The following GRIN2B variants were observed in gnomAD, a reference collection of about 807,000 sequenced individuals.
GRIN2B encodes the protein glutamate ionotropic receptor NMDA type subunit 2B, also known as glutamate receptor ionotropic, NMDA 2B.
In GRIN2B, 5 loss-of-function variants were observed where a neutral mutation model predicts 114.5. That is an observed-to-expected ratio of 0.04 (90% CI 0.02 to 0.09). GRIN2B has a LOEUF of 0.09. Ranked by LOEUF, GRIN2B falls within the 10% of genes least tolerant of loss-of-function variation. The probability of loss-of-function intolerance (pLI) is 1.00; values close to 1 mark genes in which losing one functional copy is unlikely to be tolerated. For missense variants in GRIN2B, 1,108 were observed against 1,943.5 expected, an observed-to-expected ratio of 0.57 and a Z score of 8.08; for synonymous variants, 787 against 745.1, an observed-to-expected ratio of 1.06 and a Z score of -0.92.
chr12:13,564,561 T>G lies in GRIN2B; in HGVS notation c.2677A>C (p.Asn893His). 6.2e-7 allele frequency: 1 copy of G among 1,614,144 alleles called. No individual in the cohort carries two copies. Among genetic ancestry groups the G allele is most frequent in the Non-Finnish European group, 8.5e-7 (1 of 1,180,016 alleles). ...AGGCGCAGGATGTTGGAGTGTGTGTTGTTCATGGTTGCGGTGGGGGAGTTC... is the reference window on the plus strand; with the variant it reads ...AGGCGCAGGATGTTGGAGTGTGTGTGGTTCATGGTTGCGGTGGGGGAGTTC... ...VMNSPTATMN[N>H]THSNILRLLR... The change falls in exon 14 of 14, where the codon AAC (asparagine) becomes CAC (histidine). Residue 893 changes from asparagine to histidine, a missense_variant. Around this residue, in one of 19 missense-constraint regions of GRIN2B, gnomAD observed 27 missense variants for 51.7 expected, o/e 0.52. Coordinates refer to ENST00000609686, the MANE Select transcript of GRIN2B (RefSeq NM_000834.5). This position sits in a 1 kb window ranked among gnomAD's most constrained non-coding sequence, Gnocchi z 4.8.
At chr12:13,673,193 T>C (rs78101880) in intron 5 of GRIN2B, among the ~76,000 whole-genome samples, 1,701 of 152,254 alleles carry the variant, frequency 0.011, 24 homozygotes, top group African/African-American at 0.038. Context: ...AACATTTTAA[T>C]TGGGTTTCAA....
At chr12:13,779,406 A>G (rs1419081170) in intron 3 of GRIN2B, among the ~76,000 whole-genome samples, 1 of 152,174 alleles carries the variant, frequency 6.6e-6, no homozygotes, top group Non-Finnish European at 1.5e-5. Context: ...TTTGCCAAAC[A>G]GCAATCCTTA....
chr12:13,836,965 G>T (rs898212648), intron 3 of GRIN2B, among the ~76,000 whole-genome samples: 8 of 152,192 alleles, frequency 5.3e-5, no homozygotes, highest in African/African-American at 1.7e-4. Context: ...AATAGAAGCA[G>T]ATGGGTGCAC....
In GRIN2B at chr12:13,875,107, T is replaced by G. The variant is rs182653952; in HGVS notation, c.-18-8881A>C. On this transcript the variant is annotated intron_variant, in intron 2 of 13. Transcript: ENST00000609686. ...CACCCCACAGGCCCCAGTGTGTATT[T>G]TTCCCCCATTCATGTATCCACGTGT... Among the ~76,000 whole-genome samples the G allele has an allele frequency of 1.1e-4, 16 of 152,284 alleles. No homozygotes were observed. In the East Asian group the frequency reaches 3.1e-3, roughly 29 times the overall value.
At chr12:13,823,833 T>C (rs1864981796) in intron 3 of GRIN2B, among the ~76,000 whole-genome samples, 1 of 152,164 alleles carries the variant, frequency 6.6e-6, no homozygotes, top group Admixed American at 6.5e-5. Context: ...GTTCTACATT[T>C]AGTTTATTGA....
At chr12:13,799,355 G>A (rs1864467262) in intron 3 of GRIN2B, among the ~76,000 whole-genome samples, 1 of 152,142 alleles carries the variant, frequency 6.6e-6, no homozygotes, top group Non-Finnish European at 1.5e-5. Context: ...TTTCCTTGTG[G>A]TTCCCTCAGT....
At chr12:13,754,238 A>G (rs1372467900) in intron 3 of GRIN2B, among the ~76,000 whole-genome samples, 1 of 152,160 alleles carries the variant, frequency 6.6e-6, no homozygotes, top group Non-Finnish European at 1.5e-5. Context: ...CTAAAGCAAA[A>G]CATATGAAGA....
chr12:13,761,279 GC>G (rs1227955755), intron 3 of GRIN2B, among the ~76,000 whole-genome samples: 1 of 152,030 alleles, frequency 6.6e-6, no homozygotes, highest in East Asian at 1.9e-4. Flanking sequence ...CTTGAATTTG[GC>G]CCCATTTTCC....
At chr12:13,660,949 A>G (rs1442577290) in intron 5 of GRIN2B, among the ~76,000 whole-genome samples, 2 of 152,140 alleles carry the variant, frequency 1.3e-5, no homozygotes, top group South Asian at 2.1e-4. Context: ...AAAATCATCA[A>G]GCTTTCTCTC....
chr12:13,710,098 A>G (rs1273849204), intron 4 of GRIN2B, among the ~76,000 whole-genome samples: 2 of 152,060 alleles, frequency 1.3e-5, no homozygotes, highest in African/African-American at 2.4e-5. Flanking sequence ...AAAAAGGAGC[A>G]TACTGTTGAT....
intron 3 of GRIN2B, among the ~76,000 whole-genome samples, chr12:13,764,631 A>G (rs116474496): frequency 0.025 from 3,839 of 152,238 alleles, 170 homozygotes; most frequent in African/African-American, 0.088. Context: ...AGAAATAAGA[A>G]CTTGGCAAGT....
intron 10 of GRIN2B, among the ~76,000 whole-genome samples, chr12:13,573,190 G>T (rs1037125868): frequency 6.7e-6 from 1 of 149,494 alleles, no homozygotes; most frequent in Admixed American, 6.6e-5. Context: ...GGTGGCTCAC[G>T]CCTGTAATCC....
rs1463054573 is a variant in GRIN2B at position 13,666,880 on chromosome 12, A to G, written c.1125+8865T>C. ...GCTTTAATGCCAAACTTCAGGTCTTAGCTAAAGTCAATATGCTATTAATAT... is the reference window on the plus strand; with the variant it reads ...GCTTTAATGCCAAACTTCAGGTCTTGGCTAAAGTCAATATGCTATTAATAT... On this transcript the variant is annotated intron_variant, in intron 5 of 13. Transcript: ENST00000609686. Among the ~76,000 whole-genome samples the G allele has an allele frequency of 2.6e-5, 4 of 152,218 alleles. No homozygotes were observed. The East Asian group carries it at 7.7e-4, about 29-fold the overall frequency.
intron 5 of GRIN2B, among the ~76,000 whole-genome samples, chr12:13,646,659 C>G (rs1565487720): frequency 6.6e-6 from 1 of 151,760 alleles, no homozygotes; most frequent in East Asian, 1.9e-4. Flanking sequence ...CCTCCTCCTC[C>G]TCCTCTTCTC....
chr12:13,807,880 G>C (rs1251555287), intron 3 of GRIN2B, among the ~76,000 whole-genome samples: 1 of 152,016 alleles, frequency 6.6e-6, no homozygotes, highest in East Asian at 1.9e-4. Context: ...AACCCACCCA[G>C]CTTAGGATGG....
chr12:13,791,117 A>G (rs1175210455), intron 3 of GRIN2B, among the ~76,000 whole-genome samples: 3 of 152,164 alleles, frequency 2.0e-5, no homozygotes, highest in African/African-American at 7.2e-5. Context: ...AAATGACAGT[A>G]CACAGAGAAT....
intron 4 of GRIN2B, among the ~76,000 whole-genome samples, chr12:13,741,462 G>A (rs10845838): frequency 0.29 from 44,787 of 152,164 alleles, 7,242 homozygotes; most frequent in East Asian, 0.59. Flanking sequence ...GGCAAAGTAC[G>A]CCTGGAATTC....
intron 2 of GRIN2B, among the ~76,000 whole-genome samples, chr12:13,951,711 T>C (rs1412762895): frequency 6.6e-6 from 1 of 152,096 alleles, no homozygotes; most frequent in African/African-American, 2.4e-5. Flanking sequence ...TACCAATTTA[T>C]CTGTTCATCT....
intron 4 of GRIN2B, among the ~76,000 whole-genome samples, chr12:13,697,279 T>C (rs892841009): frequency 2.0e-5 from 3 of 151,940 alleles, no homozygotes; most frequent in African/African-American, 7.3e-5. Flanking sequence ...TTCATCCAAT[T>C]CAGGAAGCAG....
Sources: gnomAD v4.1 joint callset for allele counts (sites outside exome capture counted in the v4.1 genomes callset) on GRCh38, gnomAD v4.1.1 for gene constraint, gnomAD v4.1.1 regional missense constraint, Gnocchi (gnomAD v3.1) non-coding constraint, MANE v1.5 for transcripts, NCBI Gene and HGNC (gene_info 2026-07-23, HGNC 2026-07-21) for gene names.